TTC1: variants seen among roughly 807,000 people sequenced by gnomAD.
TTC1 encodes tetratricopeptide repeat domain 1.
Under a neutral mutation model 37.6 loss-of-function variants are expected in TTC1, and 31 were observed. That is an observed-to-expected ratio of 0.82 (90% CI 0.62 to 1.11). The LOEUF is 1.11. Ranked by LOEUF, TTC1 falls within the 50% of genes most tolerant of loss-of-function variation. The probability of loss-of-function intolerance (pLI) is 0.00; values close to 1 mark genes in which losing one functional copy is unlikely to be tolerated. For missense variants in TTC1, 351 were observed against 339.0 expected (o/e 1.04, Z -0.28); for synonymous variants, 127 against 122.4 (o/e 1.04, Z -0.25).
chr5:160,051,769 T>C (rs571427297), intron 7 of TTC1, among the ~76,000 whole-genome samples: 3 of 152,332 alleles, frequency 2.0e-5, no homozygotes, highest in East Asian at 3.9e-4. Flanking sequence ...ACGAGCAATC[T>C]GCTTAAGTAA....
At position 160,057,027 on chromosome 5, in the gene TTC1, A is replaced by G. The variant is rs1757564242; in HGVS notation, c.745+5844A>G. ...CATACTATTCTGCCTGATATCTGTC[A>G]TTACAGACTGTACACTTGCAGGATT... On this transcript the variant is annotated intron_variant, in intron 7 of 7. Coordinates refer to ENST00000231238, the MANE Select transcript of TTC1 (RefSeq NM_003314.3). This position sits in a 1 kb window ranked among gnomAD's most constrained non-coding sequence, Gnocchi z 4.4. 6.6e-6 allele frequency among the ~76,000 whole-genome samples: 1 copy of G among 151,840 alleles called. No homozygotes were observed. Among genetic ancestry groups the G allele is most frequent in the Admixed American group, 6.6e-5 (1 of 15,244 alleles).
intron 2 of TTC1, among the ~76,000 whole-genome samples, chr5:160,026,194 A>G (rs1278468011): frequency 6.6e-6 from 1 of 152,166 alleles, no homozygotes; most frequent in Non-Finnish European, 1.5e-5. Context: ...TTATGAAGAA[A>G]AGTTGTTTGG....
At chr5:160,027,986 T>C (rs1478089107) in intron 2 of TTC1, among the ~76,000 whole-genome samples, 1 of 152,188 alleles carries the variant, frequency 6.6e-6, no homozygotes, top group African/African-American at 2.4e-5. Flanking sequence ...TAGATTAACA[T>C]TTTTCATCAA....
intron 4 of TTC1, chr5:160,039,056 T>G (rs1757044202): frequency 6.6e-6 from 1 of 152,186 alleles, no homozygotes; most frequent in Non-Finnish European, 1.5e-5. Flanking sequence ...GAGCATATTA[T>G]ATTCTAAGTT....
rs145702683 is a variant in TTC1 at position 160,064,501 on chromosome 5, C to G, written c.746-431C>G. Among the ~76,000 whole-genome samples, 191 of 152,334 alleles carry G rather than the reference C, an allele frequency of 1.3e-3. 7 individuals are homozygous for G. In the East Asian group the frequency reaches 0.036, roughly 28 times the overall value. On this transcript the variant is annotated intron_variant, in intron 7 of 7. Transcript: ENST00000231238. ...ATTACATTTAGCAGGTGGCTGCTGC[C>G]GTTCTAGAGAGAAGAGACTTGGAGG...
At chr5:160,051,267 G>C in intron 7 of TTC1, 84 bp downstream of exon 7, 1 of 1,139,204 alleles carries the variant, frequency 8.8e-7, no homozygotes, top group South Asian at 1.6e-5. Flanking sequence ...GAGAACACAT[G>C]AGTTAGAAAG....
intron 7 of TTC1, among the ~76,000 whole-genome samples, chr5:160,064,726 G>T (rs984415938): frequency 6.6e-6 from 1 of 152,214 alleles, no homozygotes; most frequent in Non-Finnish European, 1.5e-5. Flanking sequence ...GCTGAGGGTG[G>T]ATGGCATTAA....
chr5:160,036,068 C>G (rs1261892292), intron 3 of TTC1, among the ~76,000 whole-genome samples: 1 of 151,568 alleles, frequency 6.6e-6, no homozygotes, highest in Non-Finnish European at 1.5e-5. Flanking sequence ...ATATTTCAAA[C>G]CTGAGAAAGG....
rs369991528 is a variant in TTC1 at position 160,054,075 on chromosome 5, TTTTG to T, written c.745+2913_745+2916del. ...AGCAGCTGGAGTGGGGGTTGGTTGT[TTTTG>T]TTTGTTTGTTTGTTTGTTTGGTCCT... On this transcript the variant is annotated intron_variant, in intron 7 of 7. Coordinates refer to ENST00000231238, the MANE Select transcript of TTC1 (RefSeq NM_003314.3). Among the ~76,000 whole-genome samples, 1,441 of 152,022 alleles carry T rather than the reference TTTTG, an allele frequency of 9.5e-3. 14 individuals are homozygous for T. Among genetic ancestry groups the T allele is most frequent in the Middle Eastern group, 0.02 (6 of 294 alleles).
intron 2 of TTC1, among the ~76,000 whole-genome samples, chr5:160,024,239 A>G (rs921911525): frequency 6.6e-6 from 1 of 152,230 alleles, no homozygotes; most frequent in African/African-American, 2.4e-5. Flanking sequence ...ATTATTTCCC[A>G]GGTGGAGAGT....
Position 160,050,612 on chromosome 5 carries a change from CAG to C in TTC1, c.691-514_691-513del, listed in dbSNP as rs1480073304. On this transcript the variant is annotated intron_variant, in intron 6 of 7. Coordinates refer to ENST00000231238, the MANE Select transcript of TTC1 (RefSeq NM_003314.3). ...TAGACTTTCTATTAAGAACTGGAAA[CAG>C]AGCCAAACAAAACTTTTTTTTTTTT... Among the ~76,000 whole-genome samples, 4 of 146,466 alleles carry C rather than the reference CAG, an allele frequency of 2.7e-5. No homozygotes were observed. In the East Asian group the frequency reaches 8.0e-4, roughly 29 times the overall value.
At chr5:160,025,971 A>G (rs1414636971) in intron 2 of TTC1, among the ~76,000 whole-genome samples, 1 of 152,348 alleles carries the variant, frequency 6.6e-6, no homozygotes, top group Admixed American at 6.5e-5. Context: ...TAAGGATTAA[A>G]TGATTAGCAG....
chr5:160,038,659 CTTTTTTTTTT>C (rs541012506), intron 4 of TTC1, among the ~76,000 whole-genome samples: 2 of 120,188 alleles, frequency 1.7e-5, no homozygotes, highest in Non-Finnish European at 3.5e-5. Flanking sequence ...AGTTGCGTTT[CTTTTTTTTTT>C]TTTTTTTTTT....
chr5:160,033,760 T>C (rs762112582), intron 2 of TTC1, among the ~76,000 whole-genome samples: 29 of 152,216 alleles, frequency 1.9e-4, no homozygotes, highest in Non-Finnish European at 3.2e-4. Flanking sequence ...CCAGGGTCCG[T>C]CCCTTGACCC....
intron 2 of TTC1, chr5:160,024,102 C>G (rs567973548): frequency 2.5e-6 from 2 of 792,618 alleles, no homozygotes; most frequent in East Asian, 5.1e-5. Flanking sequence ...GTAGAGCCTT[C>G]TCTGTGCTGT....
At chr5:160,040,853 T>C (rs1321587714) in intron 4 of TTC1, among the ~76,000 whole-genome samples, 1 of 152,024 alleles carries the variant, frequency 6.6e-6, no homozygotes, top group African/African-American at 2.4e-5. Context: ...CAAGTGGTCC[T>C]CCTGCTTTAG....
At chr5:160,018,107 A>G (rs1414460439) in intron 2 of TTC1, among the ~76,000 whole-genome samples, 4 of 152,206 alleles carry the variant, frequency 2.6e-5, no homozygotes, top group Admixed American at 6.5e-5. Flanking sequence ...ATCCTTATAA[A>G]GTATACCAAT....
At chr5:160,033,435 T>A (rs1295142686) in intron 2 of TTC1, among the ~76,000 whole-genome samples, 1 of 152,202 alleles carries the variant, frequency 6.6e-6, no homozygotes, top group East Asian at 1.9e-4. Flanking sequence ...AATAAGACAT[T>A]TGGGAAATAC....
intron 2 of TTC1, among the ~76,000 whole-genome samples, chr5:160,012,678 A>G (rs961942032): frequency 9.9e-5 from 15 of 152,114 alleles, no homozygotes; most frequent in Admixed American, 5.9e-4. Flanking sequence ...GAGGATAATT[A>G]TTTTTATTGC....
Sources: gnomAD v4.1 joint callset for allele counts (sites outside exome capture counted in the v4.1 genomes callset) on GRCh38, gnomAD v4.1.1 for gene constraint, Gnocchi (gnomAD v3.1) non-coding constraint, MANE v1.5 for transcripts, NCBI Gene and HGNC (gene_info 2026-07-23, HGNC 2026-07-21) for gene names.